The following MUC12 variants were observed in gnomAD, a reference collection of about 807,000 sequenced individuals.
The protein encoded by MUC12 is mucin 12, cell surface associated, also known as mucin-12.
A neutral mutation model predicts 230.8 loss-of-function variants in MUC12; 172 were observed. The ratio of observed to expected loss-of-function variants is 0.75; its 90% confidence interval spans 0.66 to 0.85. The LOEUF is 0.85. Among genes scored for constraint, MUC12 ranks in the 40% least tolerant of loss-of-function variants. MUC12 has a pLI of 0.00. For missense variants in MUC12, 3,506 were observed against 5,920.6 expected (o/e 0.59, Z 13.38); for synonymous variants, 1,259 against 2,401.9 (o/e 0.52, Z 13.91).
chr7:100,978,836 G>A (rs548774206), intron 1 of MUC12, among the ~76,000 whole-genome samples: 15 of 152,326 alleles, frequency 9.8e-5, no homozygotes, highest in Admixed American at 2.0e-4. Flanking sequence ...TAGAGACAGC[G>A]TCTTTCTCTG....
intron 1 of MUC12, chr7:100,972,237 T>C: frequency 1.4e-6 from 1 of 702,580 alleles, no homozygotes; most frequent in South Asian, 1.5e-5. Flanking sequence ...AGAGGATGAG[T>C]GATTTGCCTG....
chr7:100,991,926 G>A lies in MUC12; in HGVS notation c.1363G>A (p.Gly455Ser), dbSNP rs542032427. Residue 455 changes from glycine (G) to serine (S), a missense_variant, in exon 2 of 12, where the codon GGC becomes AGC. By Grantham distance (56) the Gly-to-Ser change is moderately conservative. Transcript: ENST00000536621. ...DAMATTVLPAGSTPSVLVGDS... is the reference protein window; with the variant it reads ...DAMATTVLPASSTPSVLVGDS... ...AATGGCAACAACAGTCTTACCTGCC[G>A]GCTCTACACCCTCAGTTCTTGTTGG... 211 of 1,535,520 alleles carry A rather than the reference G, an allele frequency of 1.4e-4. No individual in the cohort carries two copies. The highest frequency in any genetic ancestry group is 9.4e-4 in the South Asian group (79 of 83,930).
At chr7:100,977,022 G>A (rs1335112418) in intron 1 of MUC12, among the ~76,000 whole-genome samples, 1 of 123,622 alleles carries the variant, frequency 8.1e-6, no homozygotes, top group African/African-American at 3.2e-5. Flanking sequence ...CTGCGCTCCA[G>A]CCTTGGTGAC....
In MUC12 at chr7:101,014,000, T is replaced by C. The variant is rs1584848159; in HGVS notation, c.15726T>C (p.Ala5242=). 1 of 1,537,022 alleles carries C rather than the reference T, an allele frequency of 6.5e-7. No individual in the cohort carries two copies. The highest frequency in any genetic ancestry group is 8.7e-7 in the Non-Finnish European group (1 of 1,146,808). ...AKSLVYGIVG[A]VMAVLLLALI... ...GCCTCGTGTATGGGATCGTGGGGGC[T>C]GTGATGGCGGTGCTGCTGCTCGCAT... is the stretch of plus-strand genomic sequence containing the variant. Residue 5242 remains alanine, a synonymous_variant, in exon 9 of 12, where the codon GCT becomes GCC. Coordinates refer to ENST00000536621, the MANE Select transcript of MUC12 (RefSeq NM_001164462.2).
chr7:100,972,509 C>CTTT (rs764820674), intron 1 of MUC12, among the ~76,000 whole-genome samples: 10 of 143,574 alleles, frequency 7.0e-5, no homozygotes, highest in Admixed American at 1.4e-4. Flanking sequence ...GCATCTGTAG[C>CTTT]TTTTTTTTTT....
At chr7:101,013,884 G>A in intron 8 of MUC12, 29 bp from the exon 9 acceptor site, 1 of 1,518,044 alleles carries the variant, frequency 6.6e-7, no homozygotes, top group Non-Finnish European at 8.8e-7. Flanking sequence ...GATCCCAGGG[G>A]ATCAGCGTGA....
In MUC12 at chr7:101,015,607, G is replaced by C. The variant is rs1471460326; in HGVS notation, c.15801-8G>C. The stretch of plus-strand genomic sequence containing the variant: ...GCCTACAGCTGCTCAAGGCATTTCT[G>C]TCTGCAGGGAACAGTATGATGTGCC... On this transcript the variant is annotated splice_polypyrimidine_tract_variant and splice_region_variant and intron_variant, in intron 9 of 11. Transcript: ENST00000536621. 4 of 1,537,486 alleles carry C rather than the reference G, an allele frequency of 2.6e-6. No individual in the cohort carries two copies. In the East Asian group the frequency reaches 7.3e-5, roughly 28 times the overall value.
chr7:101,018,731 C>T lies in MUC12; in HGVS notation c.*95C>T, dbSNP rs1027948813. On this transcript the variant is annotated 3_prime_UTR_variant, in exon 12 of 12. Transcript: ENST00000536621. ...CCTCCGGGGCGGGTCAAGAGGAGAC[C>T]GAAGTCAGGCCCTGAAGCCGGTCCT... is the stretch of plus-strand genomic sequence containing the variant. 16 of 1,285,050 alleles carry T rather than the reference C, an allele frequency of 1.2e-5. No individual in the cohort carries two copies. The highest frequency in any genetic ancestry group is 7.5e-5 in the African/African-American group (5 of 66,586). The allele number at this position is 1,285,050 out of a possible 1,614,324, so 79.6% of individuals were successfully genotyped here.
In MUC12 at chr7:100,995,924, C is replaced by T; in HGVS notation, c.5361C>T (p.Ser1787=). The T allele has an allele frequency of 7.9e-7, 1 of 1,258,082 alleles. No individual in the cohort carries two copies. Among genetic ancestry groups the T allele is most frequent in the South Asian group, 1.4e-5 (1 of 72,660 alleles). The allele number at this position is 1,258,082 out of a possible 1,614,324, so 77.9% of individuals were successfully genotyped here. A position where few individuals can be genotyped will look rare whatever the true frequency, so the allele number is the denominator to read the frequency against. The change falls in exon 2 of 12, where the codon AGC becomes AGT. Residue 1787 remains serine, a synonymous_variant. Transcript: ENST00000536621. ...GSTQTMHFPE[S]STASGRSEES... ...CTCAAACAATGCACTTCCCTGAAAG[C>T]TCCACAGCTTCAGGTCGTAGTGAAG...
In MUC12 at chr7:100,992,289, GAATAT is replaced by G; in HGVS notation, c.1728_1732del (p.Glu576AspfsTer11). 6.5e-7 allele frequency: 1 copy of G among 1,536,950 alleles called. No individual in the cohort carries two copies. Among genetic ancestry groups the G allele is most frequent in the Non-Finnish European group, 8.7e-7 (1 of 1,146,276 alleles). On this transcript the variant is annotated frameshift_variant, in exon 2 of 12. Coordinates refer to ENST00000536621, the MANE Select transcript of MUC12 (RefSeq NM_001164462.2). LOFTEE classifies it high-confidence loss of function. The stretch of plus-strand genomic sequence containing the variant: ...TACCACAGCATCATCCCTTGGTCCA[GAATAT>G]ACTACCTTCCACAGCCGCCCAGGCT...
rs566401842 is a variant in MUC12, at chr7:101,015,803, G to A, written c.15877+112G>A. On this transcript the variant is annotated intron_variant, in intron 10 of 11. Transcript: ENST00000536621. ...GGTCCAGCCCCCCTTTGGGGTGGCT[G>A]TGACTGACAGCCCGTTCCCTACCTG... is the stretch of plus-strand genomic sequence containing the variant. 25 of 930,988 alleles carry A rather than the reference G, an allele frequency of 2.7e-5. No individual in the cohort carries two copies. In the East Asian group the frequency reaches 6.6e-4, roughly 24 times the overall value. 57.7% of individuals were successfully genotyped at this position (930,988 alleles called of 1,614,324 possible).
In MUC12 at chr7:100,992,503, C is replaced by G. The variant is rs1448579722; in HGVS notation, c.1940C>G (p.Pro647Arg). 8 of 1,537,806 alleles carry G rather than the reference C, an allele frequency of 5.2e-6. No homozygotes were observed. The African/African-American group carries it at 5.5e-5, about 11-fold the overall frequency. The change falls in exon 2 of 12, where the codon CCT becomes CGT. Residue 647 changes from proline to arginine, a missense_variant. Transcript: ENST00000536621. ...AGCTCAAAGGACACTAGGCCTGCAC[C>G]TCCTACTACCACATCAGCCTTTGTT... is the stretch of plus-strand genomic sequence containing the variant. ...WPSSKDTRPA[P>R]PTTTSAFVEP...
At chr7:100,971,662 T>G (rs73714297) in intron 1 of MUC12, among the ~76,000 whole-genome samples, 10 of 152,308 alleles carry the variant, frequency 6.6e-5, no homozygotes, top group Non-Finnish European at 2.9e-5. Flanking sequence ...GGGGACATTA[T>G]GAGAGTTTAT....
intron 1 of MUC12, among the ~76,000 whole-genome samples, chr7:100,980,288 C>T (rs558375054): frequency 4.6e-5 from 7 of 152,278 alleles, no homozygotes; most frequent in African/African-American, 9.6e-5. Context: ...TGATCCCGCC[C>T]GCCTTGGCCT....
chr7:101,005,520 G>C lies in MUC12; in HGVS notation c.14956+1G>C. 6.5e-7 allele frequency: 1 copy of C among 1,532,654 alleles called. No individual in the cohort carries two copies. The highest frequency in any genetic ancestry group is 8.7e-7 in the Non-Finnish European group (1 of 1,143,506). 94.9% of individuals were successfully genotyped at this position (1,532,654 alleles called of 1,614,324 possible). The stretch of plus-strand genomic sequence containing the variant: ...GAAAGCCTGGAAACCTTAGCACCAG[G>C]TACTGCTCTTTCCATTTCATCCACG... On this transcript the variant is annotated splice_donor_variant, in intron 2 of 11. Coordinates refer to ENST00000536621, the MANE Select transcript of MUC12 (RefSeq NM_001164462.2). LOFTEE classifies it high-confidence loss of function.
Position 100,992,577 on chromosome 7 carries a change from C to A in MUC12, c.2014C>A (p.His672Asn), listed in dbSNP as rs375864306. 2.6e-6 allele frequency: 4 copies of A among 1,537,808 alleles called. No individual in the cohort carries two copies. Among genetic ancestry groups the A allele is most frequent in the African/African-American group, 1.4e-5 (1 of 73,042 alleles). ...CAGCCCGAGCTCAATTCCAACAACC[C>A]ACATTTCTGCCCGCTCCACAACCTC... The part of the protein sequence containing the change: ...HGSPSSIPTT[H>N]ISARSTTSGL... Residue 672 changes from histidine (H) to asparagine (N), a missense_variant, in exon 2 of 12, where the codon CAC becomes AAC. By Grantham distance (68) the His-to-Asn change is moderately conservative (BLOSUM62 1). Coordinates refer to ENST00000536621, the MANE Select transcript of MUC12 (RefSeq NM_001164462.2).
chr7:100,985,698 G>C (rs973354205), intron 1 of MUC12, among the ~76,000 whole-genome samples: 7 of 152,140 alleles, frequency 4.6e-5, no homozygotes, highest in African/African-American at 1.7e-4. Context: ...TTTCCTGTGG[G>C]TGCAGAAAGG....
chr7:100,982,837 G>A (rs1793129909), intron 1 of MUC12, among the ~76,000 whole-genome samples: 1 of 152,106 alleles, frequency 6.6e-6, no homozygotes, highest in South Asian at 2.1e-4. Flanking sequence ...TCAAGCAATT[G>A]TCCTGCCTCA....
At chr7:100,989,448 G>C (rs1793244882) in intron 1 of MUC12, among the ~76,000 whole-genome samples, 1 of 151,916 alleles carries the variant, frequency 6.6e-6, no homozygotes, top group Non-Finnish European at 1.5e-5. Flanking sequence ...GGACAAGTAT[G>C]ATGTGTAAAC....
Sources: allele counts gnomAD v4.1 joint callset (sites outside exome capture counted in the v4.1 genomes callset), GRCh38; gene constraint gnomAD v4.1.1; transcripts MANE v1.5; gene names NCBI Gene and HGNC (gene_info 2026-07-23, HGNC 2026-07-21).